FTCDNL1: variants seen among roughly 807,000 people sequenced by gnomAD.
FTCDNL1 encodes the protein formiminotransferase cyclodeaminase N-terminal like.
In FTCDNL1, 11 loss-of-function variants were observed where a neutral mutation model predicts 5.9. That is an observed-to-expected ratio of 1.87 (90% CI 1.18 to 3.10). The LOEUF is 3.10. FTCDNL1 is among the 30% of genes most tolerant of loss of function. The pLI is 0.00. For synonymous variants in FTCDNL1, 58 were observed against 24.8 expected, an observed-to-expected ratio of 2.34 and a Z score of -3.99; for missense variants, 115 against 65.5, an observed-to-expected ratio of 1.76 and a Z score of -2.61.
intron 3 of FTCDNL1, among the ~76,000 whole-genome samples, chr2:199,773,429 C>T (rs897422264): frequency 6.6e-6 from 1 of 152,146 alleles, no homozygotes; most frequent in Non-Finnish European, 1.5e-5. Flanking sequence ...TCACAAGTGT[C>T]TGAGTACTAC....
intron 4 of FTCDNL1, among the ~76,000 whole-genome samples, chr2:199,816,160 A>T (rs1701341193): frequency 6.6e-6 from 1 of 152,220 alleles, no homozygotes; most frequent in African/African-American, 2.4e-5. Context: ...GTTTATTCAC[A>T]TCCCTTATTC....
intron 3 of FTCDNL1, among the ~76,000 whole-genome samples, chr2:199,834,507 C>T (rs981583043): frequency 6.6e-6 from 1 of 152,150 alleles, no homozygotes; most frequent in African/African-American, 2.4e-5. Flanking sequence ...AGGAAACACA[C>T]ATTACAGGCC....
chr2:199,664,305 T>C, the FTCDNL1 span, among the ~76,000 whole-genome samples: 1 of 152,178 alleles, frequency 6.6e-6, no homozygotes, highest in Non-Finnish European at 1.5e-5. Context: ...ATTTAATCCA[T>C]ATGTTCTTCT....
intron 3 of FTCDNL1, among the ~76,000 whole-genome samples, chr2:199,778,314 T>G (rs1333881209): frequency 6.6e-6 from 1 of 152,190 alleles, no homozygotes; most frequent in Admixed American, 6.5e-5. Flanking sequence ...AGTACATTTC[T>G]AGGTACTGAG....
the FTCDNL1 span, among the ~76,000 whole-genome samples, chr2:199,711,072 T>A: frequency 2.6e-5 from 4 of 152,054 alleles, no homozygotes; most frequent in Non-Finnish European, 5.9e-5. Context: ...TAGATATTAA[T>A]AAGGAATTTT....
the FTCDNL1 span, among the ~76,000 whole-genome samples, chr2:199,697,421 T>C: frequency 1.3e-5 from 2 of 152,084 alleles, no homozygotes; most frequent in African/African-American, 4.8e-5. Flanking sequence ...ATGAGGCTAA[T>C]AGTGAACCTT....
the FTCDNL1 span, among the ~76,000 whole-genome samples, chr2:199,748,817 C>T: frequency 2.6e-5 from 4 of 152,278 alleles, no homozygotes; most frequent in African/African-American, 4.8e-5. Context: ...AACTGCCCTT[C>T]GTCCCTCTGG....
chr2:199,830,475 CT>C (rs1402659676), intron 3 of FTCDNL1, among the ~76,000 whole-genome samples: 2 of 152,076 alleles, frequency 1.3e-5, no homozygotes, highest in African/African-American at 4.8e-5. Flanking sequence ...TAGAACATTT[CT>C]TTTCCAATGT....
At chr2:199,787,608 C>T (rs750901155) in intron 3 of FTCDNL1, among the ~76,000 whole-genome samples, 8 of 152,116 alleles carry the variant, frequency 5.3e-5, no homozygotes, top group Non-Finnish European at 1.0e-4. Flanking sequence ...ATAAAACTTG[C>T]AGAACTCGTG....
At chr2:199,740,148 T>C in the FTCDNL1 span, among the ~76,000 whole-genome samples, 1 of 152,248 alleles carries the variant, frequency 6.6e-6, no homozygotes, top group South Asian at 2.1e-4. Context: ...AAAGAATCAC[T>C]ATTGCATGGA....
chr2:199,728,003 C>A, the FTCDNL1 span, among the ~76,000 whole-genome samples: 1 of 152,118 alleles, frequency 6.6e-6, no homozygotes, highest in Admixed American at 6.6e-5. Context: ...TGTCTATTTT[C>A]TTCCCTCCTT....
At chr2:199,773,261 T>C (rs1192627986) in intron 3 of FTCDNL1, among the ~76,000 whole-genome samples, 2 of 152,174 alleles carry the variant, frequency 1.3e-5, no homozygotes, top group Non-Finnish European at 2.9e-5. Flanking sequence ...ATCCCAACTA[T>C]ACGTATATGC....
At chr2:199,845,940 T>A (rs1163414225) in intron 3 of FTCDNL1, 135 bp downstream of exon 3, 1 of 438,988 alleles carries the variant, frequency 2.3e-6, no homozygotes. Flanking sequence ...TGATTAAGTG[T>A]AGCTTTGTGG....
At chr2:199,677,344 A>C in the FTCDNL1 span, among the ~76,000 whole-genome samples, 1 of 152,202 alleles carries the variant, frequency 6.6e-6, no homozygotes, top group Non-Finnish European at 1.5e-5. Flanking sequence ...TTATCTTGAC[A>C]AAGTATACTA....
the FTCDNL1 span, among the ~76,000 whole-genome samples, chr2:199,720,790 T>C: frequency 7.9e-5 from 12 of 151,536 alleles, no homozygotes; most frequent in African/African-American, 2.9e-4. Context: ...AGTAGACATA[T>C]CTTTTTTTTT....
the FTCDNL1 span, among the ~76,000 whole-genome samples, chr2:199,665,279 T>G: frequency 6.6e-6 from 1 of 152,086 alleles, no homozygotes; most frequent in African/African-American, 2.4e-5. Context: ...ACACCCCAGT[T>G]TCTTCAGGTA....
chr2:199,795,485 A>G (rs533020175), intron 3 of FTCDNL1, among the ~76,000 whole-genome samples: 1 of 152,328 alleles, frequency 6.6e-6, no homozygotes, highest in South Asian at 2.1e-4. Flanking sequence ...TACTTACATC[A>G]TATGAACATT....
chr2:199,681,359 G>A, the FTCDNL1 span, among the ~76,000 whole-genome samples: 42 of 152,306 alleles, frequency 2.8e-4, no homozygotes, highest in Admixed American at 6.5e-4. Context: ...GGGAGGCTGA[G>A]GCAGGAGAAT....
the FTCDNL1 span, among the ~76,000 whole-genome samples, chr2:199,727,364 T>A: frequency 6.6e-6 from 1 of 151,614 alleles, no homozygotes; most frequent in African/African-American, 2.4e-5. Flanking sequence ...CCACCAAGAG[T>A]CTGCACAGCT....
Sources: allele counts gnomAD v4.1 joint callset (sites outside exome capture counted in the v4.1 genomes callset), GRCh38; gene constraint gnomAD v4.1.1; transcripts MANE v1.5; gene names NCBI Gene and HGNC (gene_info 2026-07-23, HGNC 2026-07-21).